TSC22D1: variants seen among roughly 807,000 people sequenced by gnomAD.
The protein encoded by TSC22D1 is TSC22 domain family protein 1.
In TSC22D1, 9 loss-of-function variants were observed where a neutral mutation model predicts 74.2. The ratio of observed to expected loss-of-function variants is 0.12; its 90% CI spans 0.07 to 0.21. The LOEUF is 0.21. TSC22D1 is among the 10% of genes least tolerant of loss of function. The pLI is 1.00. For synonymous variants in TSC22D1, 586 were observed against 492.5 expected (o/e 1.19, Z -2.51); for missense variants, 1,427 against 1,304.7 (o/e 1.09, Z -1.44).
intron 1 of TSC22D1, among the ~76,000 whole-genome samples, chr13:44,558,312 T>A (rs76745647): frequency 6.6e-6 from 1 of 152,200 alleles, no homozygotes; most frequent in East Asian, 1.9e-4. Flanking sequence ...TAGTAACATA[T>A]CAACCAATAA....
intron 1 of TSC22D1, among the ~76,000 whole-genome samples, chr13:44,517,797 ATACACACATATATATGTGTG>A (rs1332240891): frequency 2.0e-4 from 25 of 125,316 alleles, no homozygotes; most frequent in African/African-American, 6.7e-4. Flanking sequence ...ATACATATAT[ATACACACATATATATGTGTG>A]TGTGTGTGTG....
rs377070206 is a variant in TSC22D1 at position 44,459,225 on chromosome 13, G to A, written c.2913-23130C>T. ...GGGACTACCGGTTGCAGGAAGGAGC[G>A]ACCCACTTGGGGTCTGCTCGACTTG... On this transcript the variant is annotated intron_variant, in intron 1 of 2. Transcript: ENST00000458659. 7.2e-5 allele frequency among the ~76,000 whole-genome samples: 11 copies of A among 152,268 alleles called. No homozygotes were observed. The South Asian group carries it at 8.3e-4, about 11-fold the overall frequency.
intron 1 of TSC22D1, among the ~76,000 whole-genome samples, chr13:44,517,857 A>ATATATTTT (rs10627677): frequency 2.5e-4 from 4 of 16,176 alleles, no homozygotes; most frequent in East Asian, 9.6e-4. Flanking sequence ...ATATATATAT[A>ATATATTTT]TTTTTTTTTT....
intron 1 of TSC22D1, among the ~76,000 whole-genome samples, chr13:44,453,950 CTT>C (rs1374869867): frequency 1.3e-5 from 2 of 152,184 alleles, no homozygotes; most frequent in East Asian, 1.9e-4. Flanking sequence ...GAATGAATTC[CTT>C]TGTTTCATTA....
chr13:44,459,938 AG>A (rs1876907859), intron 1 of TSC22D1, among the ~76,000 whole-genome samples: 1 of 152,178 alleles, frequency 6.6e-6, no homozygotes, highest in Non-Finnish European at 1.5e-5. Flanking sequence ...CATGGGATCC[AG>A]GACAGTAGCA....
intron 1 of TSC22D1, among the ~76,000 whole-genome samples, chr13:44,523,842 A>C (rs919925215): frequency 6.6e-6 from 1 of 152,232 alleles, no homozygotes; most frequent in Non-Finnish European, 1.5e-5. Flanking sequence ...TGGCTTCCTT[A>C]AGATGATGTA....
At chr13:44,440,812 A>C (rs1875136942) in intron 1 of TSC22D1, among the ~76,000 whole-genome samples, 1 of 152,096 alleles carries the variant, frequency 6.6e-6, no homozygotes. Context: ...AAAGCACACC[A>C]CCCTGAAACC....
intron 1 of TSC22D1, among the ~76,000 whole-genome samples, chr13:44,503,030 A>G (rs945329364): frequency 2.0e-5 from 3 of 152,238 alleles, no homozygotes; most frequent in Admixed American, 2.0e-4. Flanking sequence ...AATAATAGCC[A>G]TAAGAAATCA....
At chr13:44,524,633 G>A (rs902948874) in intron 1 of TSC22D1, among the ~76,000 whole-genome samples, 6 of 152,006 alleles carry the variant, frequency 3.9e-5, no homozygotes, top group East Asian at 3.9e-4. Flanking sequence ...TGCAACCTCC[G>A]CTTCCCGGAT....
chr13:44,492,620 T>TA (rs1004482210), intron 1 of TSC22D1, among the ~76,000 whole-genome samples: 7 of 152,092 alleles, frequency 4.6e-5, no homozygotes, highest in Admixed American at 6.6e-5. Context: ...TGCTTTGTTT[T>TA]AAAACGCAGA....
At chr13:44,518,892 G>C (rs1194277620) in intron 1 of TSC22D1, among the ~76,000 whole-genome samples, 1 of 152,152 alleles carries the variant, frequency 6.6e-6, no homozygotes, top group Non-Finnish European at 1.5e-5. Flanking sequence ...TGAGAGTTCT[G>C]AAAGTGGTCA....
rs74449087 is a variant in TSC22D1, at chr13:44,433,188, A to G, written c.*1438T>C. 1 of 152,322 alleles carries G rather than the reference A, an allele frequency of 6.6e-6. No individual in the cohort carries two copies. The highest frequency in any genetic ancestry group is 1.9e-4 in the East Asian group (1 of 5,188). The allele number at this position is 152,322 out of a possible 1,614,324, so 9.4% of individuals were successfully genotyped here. ...CTTCTTCCTCTCAGTTCAGTAAAAA[A>G]TTAAGATTTTCAAGGACTCCTAGAA... On this transcript the variant is annotated 3_prime_UTR_variant, in exon 3 of 3. Transcript: ENST00000458659.
Position 44,517,829 on chromosome 13 carries a change from GTATATA to G in TSC22D1, c.2912+55328_2912+55333del, listed in dbSNP as rs1555269397. ...CATATATATGTGTGTGTGTGTGTGT[GTATATA>G]TATATATATATATATATATATATTT... On this transcript the variant is annotated intron_variant, in intron 1 of 2. Coordinates refer to ENST00000458659, the MANE Select transcript of TSC22D1 (RefSeq NM_183422.4). Among the ~76,000 whole-genome samples the G allele has an allele frequency of 1.4e-3, 20 of 14,130 alleles. 1 individual carries two copies. The highest frequency in any genetic ancestry group is 8.7e-3 in the East Asian group (3 of 344). The allele number at this position is 14,130 out of a possible 152,430, so 9.3% of individuals were successfully genotyped here.
At chr13:44,535,451 T>C (rs1420573116) in intron 1 of TSC22D1, among the ~76,000 whole-genome samples, 1 of 151,982 alleles carries the variant, frequency 6.6e-6, no homozygotes, top group Non-Finnish European at 1.5e-5. Flanking sequence ...CAAAAATACC[T>C]GGATAAAAAT....
At chr13:44,448,909 G>GTGTA (rs1431756094) in intron 1 of TSC22D1, among the ~76,000 whole-genome samples, 1 of 151,760 alleles carries the variant, frequency 6.6e-6, no homozygotes, top group Non-Finnish European at 1.5e-5. Context: ...GTGTGTGTGT[G>GTGTA]TGTGTGTAAG....
At chr13:44,472,727 C>G (rs1877676716) in intron 1 of TSC22D1, among the ~76,000 whole-genome samples, 1 of 152,182 alleles carries the variant, frequency 6.6e-6, no homozygotes, top group Admixed American at 6.5e-5. Flanking sequence ...CTGCCTTTGC[C>G]TGAGCCTGGG....
At position 44,537,175 on chromosome 13, in the gene TSC22D1, TA is replaced by T. The variant is rs1318466823; in HGVS notation, c.2912+35987del. ...ACAGATATTACACAATTAGTCATTC[TA>T]GAAAAAAATAGTTTATATTAATATT... On this transcript the variant is annotated intron_variant, in intron 1 of 2. Transcript: ENST00000458659. 3 of 870,154 alleles carry T rather than the reference TA, an allele frequency of 3.4e-6. No homozygotes were observed. The East Asian group carries it at 3.6e-4, about 105-fold the overall frequency. The allele number at this position is 870,154 out of a possible 1,614,324, so 53.9% of individuals were successfully genotyped here. A position where few individuals can be genotyped will look rare whatever the true frequency, so the allele number is the denominator to read the frequency against.
At chr13:44,546,319 C>A (rs2138122064) in intron 1 of TSC22D1, among the ~76,000 whole-genome samples, 1 of 152,266 alleles carries the variant, frequency 6.6e-6, no homozygotes, top group Non-Finnish European at 1.5e-5. Flanking sequence ...AGTTTAGAAA[C>A]CTGGCAGGCA....
intron 1 of TSC22D1, among the ~76,000 whole-genome samples, chr13:44,517,811 ATGTGTGTGTG>A (rs1160142015): frequency 9.1e-5 from 5 of 55,126 alleles, no homozygotes; most frequent in African/African-American, 3.5e-4. Context: ...ACACATATAT[ATGTGTGTGTG>A]TGTGTGTGTA....
Sources: gnomAD v4.1 joint callset for allele counts (sites outside exome capture counted in the v4.1 genomes callset) on GRCh38, gnomAD v4.1.1 for gene constraint, MANE v1.5 for transcripts, NCBI Gene and HGNC (gene_info 2026-07-23, HGNC 2026-07-21) for gene names.